HAPLN1: variants seen among roughly 807,000 people sequenced by gnomAD.
HAPLN1 encodes Cartilage link protein.
In HAPLN1, 13 loss-of-function variants were observed where a neutral mutation model predicts 36.5. The observed-to-expected ratio is 0.36, with a 90% CI of 0.23 to 0.57. HAPLN1 has a LOEUF of 0.57. Among genes scored for constraint, HAPLN1 ranks in the 20% least tolerant of loss-of-function variants. The pLI is 0.83. For missense variants in HAPLN1, 407 were observed against 439.7 expected (o/e 0.93, Z 0.66); for synonymous variants, 202 against 169.8 (o/e 1.19, Z -1.48).
intron 2 of HAPLN1, among the ~76,000 whole-genome samples, chr5:83,653,324 T>C (rs1395658294): frequency 6.6e-6 from 1 of 152,196 alleles, no homozygotes; most frequent in Non-Finnish European, 1.5e-5. Flanking sequence ...TCACTTTCAT[T>C]GTACAGTTCT....
chr5:83,647,904 T>G (rs1422353754), intron 3 of HAPLN1, among the ~76,000 whole-genome samples: 1 of 152,252 alleles, frequency 6.6e-6, no homozygotes, highest in African/African-American at 2.4e-5. Flanking sequence ...GCTATGCACA[T>G]ATCTGAAATT....
At chr5:83,714,031 G>C (rs1471369949) in intron 1 of HAPLN1, among the ~76,000 whole-genome samples, 1 of 152,186 alleles carries the variant, frequency 6.6e-6, no homozygotes, top group African/African-American at 2.4e-5. Context: ...GCTGGGGAAC[G>C]GTTTGGGTTT....
chr5:83,653,688 C>T (rs978183401), intron 2 of HAPLN1, among the ~76,000 whole-genome samples: 1 of 151,944 alleles, frequency 6.6e-6, no homozygotes, highest in Admixed American at 6.6e-5. Context: ...TTTTGTTTTC[C>T]TCCAAGTCCT....
At chr5:83,717,962 CT>C (rs1415829809) in intron 1 of HAPLN1, among the ~76,000 whole-genome samples, 2 of 152,080 alleles carry the variant, frequency 1.3e-5, no homozygotes, top group Admixed American at 6.6e-5. Context: ...ACCTTTTAAG[CT>C]AGTAGTTATT....
chr5:83,694,294 A>T (rs1370789349), intron 1 of HAPLN1, among the ~76,000 whole-genome samples: 1 of 152,068 alleles, frequency 6.6e-6, no homozygotes, highest in African/African-American at 2.4e-5. Flanking sequence ...GCAGTGAAGC[A>T]ATACTTAGTT....
chr5:83,714,434 T>C (rs549708497), intron 1 of HAPLN1, among the ~76,000 whole-genome samples: 1 of 152,306 alleles, frequency 6.6e-6, no homozygotes, highest in African/African-American at 2.4e-5. Flanking sequence ...AAACATAAAC[T>C]GAGAAGATAT....
chr5:83,692,175 G>A lies in HAPLN1; in HGVS notation c.-26-18626C>T, dbSNP rs570555642. ...GACAACTTAAGTGGCCAAAACATACGTAATTGGAGTCTCCAAAAGAGAGAA... is the reference window on the plus strand; with the variant it reads ...GACAACTTAAGTGGCCAAAACATACATAATTGGAGTCTCCAAAAGAGAGAA... On this transcript the variant is annotated intron_variant, in intron 1 of 4. Coordinates refer to ENST00000274341, the MANE Select transcript of HAPLN1 (RefSeq NM_001884.4). 1.1e-4 allele frequency among the ~76,000 whole-genome samples: 17 copies of A among 151,886 alleles called. No individual in the cohort carries two copies. The East Asian group carries it at 2.1e-3, about 19-fold the overall frequency.
At chr5:83,686,354 C>T (rs970800300) in intron 1 of HAPLN1, among the ~76,000 whole-genome samples, 12 of 152,100 alleles carry the variant, frequency 7.9e-5, no homozygotes, top group African/African-American at 2.7e-4. Flanking sequence ...GAAGAGGGAA[C>T]AAGACCAGCC....
chr5:83,663,819 T>C (rs962028694), intron 2 of HAPLN1, among the ~76,000 whole-genome samples: 7 of 149,792 alleles, frequency 4.7e-5, no homozygotes, highest in African/African-American at 7.4e-5. Flanking sequence ...TTTTTTTTTT[T>C]CAAATTGGTT....
At chr5:83,651,416 T>C (rs1282077900) in intron 3 of HAPLN1, among the ~76,000 whole-genome samples, 1 of 152,154 alleles carries the variant, frequency 6.6e-6, no homozygotes, top group Non-Finnish European at 1.5e-5. Context: ...TATGAATCAA[T>C]AAAAACTTAA....
At chr5:83,696,227 G>T (rs981569269) in intron 1 of HAPLN1, among the ~76,000 whole-genome samples, 6 of 152,020 alleles carry the variant, frequency 3.9e-5, no homozygotes, top group Non-Finnish European at 8.8e-5. Context: ...TACTCTGAAA[G>T]TTAAAAAACA....
chr5:83,637,861 T>C lies in HAPLN1; in HGVS notation c.*3635A>G, dbSNP rs372158843. The C allele has an allele frequency of 6.6e-6, 1 of 152,026 alleles. No individual in the cohort carries two copies. The highest frequency in any genetic ancestry group is 1.9e-4 in the East Asian group (1 of 5,184). The allele number at this position is 152,026 out of a possible 1,614,324, so 9.4% of individuals were successfully genotyped here. A position where few individuals can be genotyped will look rare whatever the true frequency, so the allele number is the denominator to read the frequency against. Reference sequence around the variant, plus strand: ...ACTCATGATTAAGTTATAAAGCATTTAAAATGTGTTAATCTAATCAACAAC... The same window carrying C: ...ACTCATGATTAAGTTATAAAGCATTCAAAATGTGTTAATCTAATCAACAAC... On this transcript the variant is annotated 3_prime_UTR_variant, in exon 5 of 5. Transcript: ENST00000274341.
In HAPLN1 at chr5:83,709,903, A is replaced by G. The variant is rs146530203; in HGVS notation, c.-27+10886T>C. Among the ~76,000 whole-genome samples, 357 of 152,350 alleles carry G rather than the reference A, an allele frequency of 2.3e-3. 3 individuals carry two copies. Among genetic ancestry groups the G allele is most frequent in the African/African-American group, 8.0e-3 (333 of 41,576 alleles). ...AGGATGATAAGGAAGGTCAGGATTT[A>G]TGCTAATGGAGAGAGATATTTATGA... is the stretch of plus-strand genomic sequence containing the variant. On this transcript the variant is annotated intron_variant, in intron 1 of 4. Transcript: ENST00000274341.
chr5:83,675,734 T>C (rs1045077616), intron 1 of HAPLN1, among the ~76,000 whole-genome samples: 9 of 152,172 alleles, frequency 5.9e-5, no homozygotes, highest in Non-Finnish European at 1.2e-4. Context: ...TAAACAATGA[T>C]AAAAACACCT....
At position 83,644,586 on chromosome 5, in the gene HAPLN1, C is replaced by G; in HGVS notation, c.552G>C (p.Gln184His). 1 of 1,578,490 alleles carries G rather than the reference C, an allele frequency of 6.3e-7. No individual in the cohort carries two copies. ...FHEAQQACLDQDAVIASFDQL... is the reference protein window; with the variant it reads ...FHEAQQACLDHDAVIASFDQL... The stretch of plus-strand genomic sequence containing the variant: ...GGTCGAAGGAGGCGATCACAGCATC[C>G]TGGTCCAGACACGCCTGCTGCGCCT... The change falls in exon 4 of 5, where the codon CAG becomes CAC. Residue 184 changes from glutamine (Q) to histidine (H), a missense_variant. By Grantham distance (24) the Gln-to-His change is conservative (BLOSUM62 0). Coordinates refer to ENST00000274341, the MANE Select transcript of HAPLN1 (RefSeq NM_001884.4).
intron 3 of HAPLN1, among the ~76,000 whole-genome samples, chr5:83,648,535 T>C (rs886903939): frequency 4.7e-5 from 7 of 150,380 alleles, no homozygotes; most frequent in Admixed American, 2.0e-4. Context: ...ATAGGAGCTA[T>C]ATAATTTAGG....
At chr5:83,718,944 G>C (rs897003860) in intron 1 of HAPLN1, among the ~76,000 whole-genome samples, 4 of 152,164 alleles carry the variant, frequency 2.6e-5, no homozygotes, top group Non-Finnish European at 5.9e-5. Flanking sequence ...TTCTTCAACT[G>C]TTCAGAAAAT....
chr5:83,670,851 C>T (rs571692259), intron 2 of HAPLN1, among the ~76,000 whole-genome samples: 18 of 152,068 alleles, frequency 1.2e-4, no homozygotes, highest in East Asian at 5.8e-4. Flanking sequence ...CCTGCCACCA[C>T]GCCCGGCTAA....
At chr5:83,702,084 C>A (rs1476285093) in intron 1 of HAPLN1, among the ~76,000 whole-genome samples, 2 of 152,102 alleles carry the variant, frequency 1.3e-5, no homozygotes, top group East Asian at 3.9e-4. Flanking sequence ...ATGATGCAAG[C>A]ATGAGCCATG....
Sources: allele counts gnomAD v4.1 joint callset (sites outside exome capture counted in the v4.1 genomes callset), GRCh38; gene constraint gnomAD v4.1.1; transcripts MANE v1.5; gene names NCBI Gene and HGNC (gene_info 2026-07-23, HGNC 2026-07-21).